Variants in KCNK9 observed in about 807,000 individuals in gnomAD.
The protein encoded by KCNK9 is potassium two pore domain channel subfamily K member 9.
In KCNK9, 1 loss-of-function variant was observed where a neutral mutation model predicts 10.8. The ratio of observed to expected loss-of-function variants is 0.09; its 90% CI spans 0.03 to 0.44. The LOEUF is 0.44. Ranked by LOEUF, KCNK9 falls within the 20% of genes least tolerant of loss-of-function variation. The pLI, the probability that KCNK9 is intolerant of heterozygous loss-of-function variation, is 0.97. For synonymous variants in KCNK9, 231 were observed against 222.7 expected (o/e 1.04, Z -0.33); for missense variants, 303 against 515.0 (o/e 0.59, Z 3.98).
intron 1 of KCNK9, among the ~76,000 whole-genome samples, chr8:139,700,254 C>T (rs1412057161): frequency 1.3e-5 from 2 of 152,170 alleles, no homozygotes; most frequent in Non-Finnish European, 2.9e-5. Flanking sequence ...GCAGCTGCAG[C>T]CCGCGGGATC....
intron 1 of KCNK9, among the ~76,000 whole-genome samples, chr8:139,621,223 G>A (rs1256165376): frequency 2.0e-5 from 3 of 151,778 alleles, no homozygotes; most frequent in Non-Finnish European, 4.4e-5. Context: ...CCCAGGTGGT[G>A]GAGGTTGCAA....
intron 1 of KCNK9, among the ~76,000 whole-genome samples, chr8:139,653,717 G>T (rs1360392339): frequency 6.6e-6 from 1 of 152,200 alleles, no homozygotes; most frequent in Non-Finnish European, 1.5e-5. Context: ...AAGGGAAAGT[G>T]CTTTCAAAAC....
chr8:139,674,417 G>A (rs1390718933), intron 1 of KCNK9, among the ~76,000 whole-genome samples: 1 of 152,200 alleles, frequency 6.6e-6, no homozygotes, highest in Non-Finnish European at 1.5e-5. Flanking sequence ...CGCTCCGAGG[G>A]CAGCCTGAGC....
downstream of KCNK9, among the ~76,000 whole-genome samples, chr8:139,610,019 C>T (rs565629867): frequency 6.6e-6 from 1 of 152,176 alleles, no homozygotes; most frequent in South Asian, 2.1e-4. Context: ...CACCCATGTT[C>T]CCTAGACTTG....
In KCNK9 at chr8:139,693,794, G is replaced by T. The variant is rs896216831; in HGVS notation, c.283+8916C>A. ...TGAGGACCTGGGTCTGATTCTGCAGGGGATGGGGAGCTGCTGGGGTCTGGG... is the reference window on the plus strand; with the variant it reads ...TGAGGACCTGGGTCTGATTCTGCAGTGGATGGGGAGCTGCTGGGGTCTGGG... On this transcript the variant is annotated intron_variant, in intron 1 of 1. Coordinates refer to ENST00000520439, the MANE Select transcript of KCNK9 (RefSeq NM_001282534.2). The surrounding 1 kb of genome is among the most constrained non-coding windows in gnomAD (Gnocchi z 4.1). 2.6e-5 allele frequency among the ~76,000 whole-genome samples: 4 copies of T among 152,154 alleles called. No individual in the cohort carries two copies. Among genetic ancestry groups the T allele is most frequent in the African/African-American group, 9.7e-5 (4 of 41,422 alleles).
intron 1 of KCNK9, among the ~76,000 whole-genome samples, chr8:139,687,899 G>A (rs1023804928): frequency 2.6e-5 from 4 of 151,500 alleles, no homozygotes; most frequent in Non-Finnish European, 5.9e-5. Flanking sequence ...AAAGATAAGT[G>A]TTCATTTATT....
At chr8:139,676,725 TG>T (rs1277016178) in intron 1 of KCNK9, among the ~76,000 whole-genome samples, 3 of 152,114 alleles carry the variant, frequency 2.0e-5, no homozygotes, top group Non-Finnish European at 2.9e-5. Flanking sequence ...TCAAGGCAGG[TG>T]GATCACATGA....
chr8:139,619,457 A>T (rs1250653762), intron 1 of KCNK9, among the ~76,000 whole-genome samples: 36 of 152,298 alleles, frequency 2.4e-4, no homozygotes, highest in Non-Finnish European at 3.7e-4. Context: ...AGAGCCACAT[A>T]AAGGCTTTAA....
At chr8:139,666,767 C>T (rs1816312801) in intron 1 of KCNK9, among the ~76,000 whole-genome samples, 1 of 152,256 alleles carries the variant, frequency 6.6e-6, no homozygotes, top group Non-Finnish European at 1.5e-5. Flanking sequence ...ATCACCAGCT[C>T]TTTACCAACA....
chr8:139,641,767 G>A (rs1815514132), intron 1 of KCNK9, among the ~76,000 whole-genome samples: 1 of 152,202 alleles, frequency 6.6e-6, no homozygotes, highest in Admixed American at 6.5e-5. Flanking sequence ...CCTCCTGGGG[G>A]AGGACCAGCT....
chr8:139,687,955 T>C (rs956600698), intron 1 of KCNK9, among the ~76,000 whole-genome samples: 3 of 152,126 alleles, frequency 2.0e-5, no homozygotes, highest in Non-Finnish European at 2.9e-5. Context: ...CATCATTATC[T>C]CTTAAAGATA....
intron 1 of KCNK9, among the ~76,000 whole-genome samples, chr8:139,627,122 C>A (rs1013676754): frequency 1.3e-5 from 2 of 152,172 alleles, no homozygotes; most frequent in Non-Finnish European, 2.9e-5. Flanking sequence ...GGGCAAGACA[C>A]CTTAGATCCT....
chr8:139,680,068 G>A (rs756773467), intron 1 of KCNK9, among the ~76,000 whole-genome samples: 3 of 152,126 alleles, frequency 2.0e-5, no homozygotes, highest in East Asian at 1.9e-4. Flanking sequence ...CTTCCCTTGC[G>A]CCACCTGCTC....
At chr8:139,700,540 GCGCGCACACACACACACACACA>G (rs1563757425) in intron 1 of KCNK9, among the ~76,000 whole-genome samples, 2 of 121,188 alleles carry the variant, frequency 1.7e-5, no homozygotes, top group African/African-American at 7.5e-5. Context: ...ACACACACAC[GCGCGCACACACACACACACACA>G]CATTTTTTTC....
chr8:139,637,757 C>G (rs373286242), intron 1 of KCNK9, among the ~76,000 whole-genome samples: 1,654 of 53,918 alleles, frequency 0.031, 25 homozygotes, highest in African/African-American at 0.14. Context: ...AGTATTCCTA[C>G]TCTACACACA....
chr8:139,667,628 G>A (rs915668490), intron 1 of KCNK9, among the ~76,000 whole-genome samples: 2 of 152,078 alleles, frequency 1.3e-5, no homozygotes, highest in South Asian at 2.1e-4. Flanking sequence ...CCTGGGAGGC[G>A]GAGGCTGCAG....
chr8:139,672,275 C>G (rs1490736286), intron 1 of KCNK9, among the ~76,000 whole-genome samples: 1 of 152,118 alleles, frequency 6.6e-6, no homozygotes, highest in African/African-American at 2.4e-5. Flanking sequence ...GGGAGGGCCT[C>G]GGGGCTGGCA....
At chr8:139,641,877 CAG>C (rs1396130762) in intron 1 of KCNK9, among the ~76,000 whole-genome samples, 4 of 152,120 alleles carry the variant, frequency 2.6e-5, no homozygotes. Flanking sequence ...AGTGAGCACT[CAG>C]GGAGTAGTCA....
intron 1 of KCNK9, among the ~76,000 whole-genome samples, chr8:139,700,530 ACACACACACGCGCG>A (rs1270094523): frequency 1.0e-4 from 13 of 124,430 alleles, no homozygotes; most frequent in Admixed American, 3.4e-4. Context: ...GCACACACAC[ACACACACACGCGCG>A]CACACACACA....
Sources: allele counts gnomAD v4.1 joint callset (sites outside exome capture counted in the v4.1 genomes callset), GRCh38; gene constraint gnomAD v4.1.1; non-coding constraint Gnocchi (gnomAD v3.1); transcripts MANE v1.5; gene names NCBI Gene and HGNC (gene_info 2026-07-23, HGNC 2026-07-21).